Variants in OTOG observed in about 807,000 individuals in gnomAD.
OTOG encodes otogelin.
In OTOG, 296 loss-of-function variants were observed where a neutral mutation model predicts 313.8. The observed-to-expected ratio is 0.94, with a 90% CI of 0.86 to 1.04. OTOG has a LOEUF of 1.04. Ranked by LOEUF, OTOG falls within the 50% of genes least tolerant of loss-of-function variation. The pLI is 0.00. For synonymous variants in OTOG, 1,533 were observed against 1,554.9 expected (o/e 0.99, Z 0.33); for missense variants, 3,948 against 3,840.1 (o/e 1.03, Z -0.74).
chr11:17,604,075 A>T (rs944582222), intron 32 of OTOG, among the ~76,000 whole-genome samples: 1 of 152,128 alleles, frequency 6.6e-6, no homozygotes, highest in Non-Finnish European at 1.5e-5. Flanking sequence ...AGATTAAGTG[A>T]TTTACCCAAG....
In OTOG at chr11:17,569,169, C is replaced by G. The variant is rs1176349136; in HGVS notation, c.1658C>G (p.Ala553Gly). ...CTATCTCTCCAGAACCAAGATGGAG[C>G]CTGTGTCCAGTCAGTGTCAGTGATT... ...NAPCGLNQDGACVQSVSVILH... is the reference protein window; with the variant it reads ...NAPCGLNQDGGCVQSVSVILH... Residue 553 changes from alanine to glycine, a missense_variant, in exon 16 of 56, where the codon GCC (alanine) becomes GGC (glycine). By Grantham distance (60) the Ala-to-Gly change is moderately conservative (BLOSUM62 0). Coordinates refer to ENST00000399397, the MANE Select transcript of OTOG (RefSeq NM_001292063.2). 7 of 1,550,530 alleles carry G rather than the reference C, an allele frequency of 4.5e-6. No homozygotes were observed. The highest frequency in any genetic ancestry group is 2.4e-5 in the East Asian group (1 of 40,934).
Position 17,639,404 on chromosome 11 carries a change from G to A in OTOG, c.7895-19G>A. The A allele has an allele frequency of 6.4e-7, 1 of 1,550,628 alleles. No homozygotes were observed. Among genetic ancestry groups the A allele is most frequent in the Non-Finnish European group, 8.7e-7 (1 of 1,146,964 alleles). On this transcript the variant is annotated intron_variant, in intron 48 of 55. Transcript: ENST00000399397. ...GGACATCCCTGATGAAGTGGGGCCTGGCCCCTTGTGTTTTTCAGAATGTGA... is the reference window on the plus strand; with the variant it reads ...GGACATCCCTGATGAAGTGGGGCCTAGCCCCTTGTGTTTTTCAGAATGTGA...
At chr11:17,613,533 C>T in intron 38 of OTOG, 79 bp from the exon 39 acceptor site, 1 of 1,214,918 alleles carries the variant, frequency 8.2e-7, no homozygotes, top group Non-Finnish European at 1.2e-6. Context: ...AGACTGTACT[C>T]ACATTTGCTG....
chr11:17,567,291 T>G (rs1852309999), intron 15 of OTOG, among the ~76,000 whole-genome samples: 1 of 152,234 alleles, frequency 6.6e-6, no homozygotes, highest in Admixed American at 6.5e-5. Flanking sequence ...TCAGGGATTT[T>G]CTGTACTCCT....
chr11:17,586,625 G>C, intron 24 of OTOG, 44 bp downstream of exon 24: 1 of 1,091,472 alleles, frequency 9.2e-7, no homozygotes, highest in Non-Finnish European at 1.2e-6. Flanking sequence ...TGCTGGGAGG[G>C]GGCATGGATA....
At chr11:17,588,525 G>A (rs1484875560) in intron 24 of OTOG, among the ~76,000 whole-genome samples, 1 of 152,148 alleles carries the variant, frequency 6.6e-6, no homozygotes, top group East Asian at 1.9e-4. Flanking sequence ...GTGAATGACA[G>A]GATGGATACA....
chr11:17,549,978 C>G (rs537503876), intron 3 of OTOG, among the ~76,000 whole-genome samples: 8 of 152,152 alleles, frequency 5.3e-5, no homozygotes, highest in African/African-American at 1.9e-4. Context: ...AATGCTGTCC[C>G]GCTTCTACAG....
Position 17,645,941 on chromosome 11 carries a change from C to A in OTOG, c.8739C>A (p.Ser2913=). The A allele has an allele frequency of 6.5e-7, 1 of 1,549,176 alleles. No homozygotes were observed. The highest frequency in any genetic ancestry group is 8.7e-7 in the Non-Finnish European group (1 of 1,146,994). The change falls in exon 56 of 56, where the codon TCC becomes TCA. Residue 2913 remains serine (S), a synonymous_variant. Coordinates refer to ENST00000399397, the MANE Select transcript of OTOG (RefSeq NM_001292063.2). ...CCACCGACTGTGCCTGCCAGTGGTC[C>A]TGAGGCCTGGGGGCCCGGGCTAGCT... ...QEPTDCACQW[S]
chr11:17,551,758 C>T (rs915263743), intron 3 of OTOG, among the ~76,000 whole-genome samples: 19 of 152,100 alleles, frequency 1.2e-4, no homozygotes, highest in Admixed American at 1.1e-3. Context: ...CATGGTCTGC[C>T]GCAGAGATGC....
Position 17,557,112 on chromosome 11 carries a change from C to T in OTOG, c.660-6C>T. The T allele has an allele frequency of 1.3e-6, 2 of 1,549,084 alleles. No homozygotes were observed. Among genetic ancestry groups the T allele is most frequent in the South Asian group, 2.4e-5 (2 of 84,034 alleles). On this transcript the variant is annotated splice_polypyrimidine_tract_variant and splice_region_variant and intron_variant, in intron 7 of 55. Coordinates refer to ENST00000399397, the MANE Select transcript of OTOG (RefSeq NM_001292063.2). ...ATACCCTGAAGCTCTGGGATGTGCCCTGCAGGGTCCAACTGCCACATGTCA... is the reference window on the plus strand; with the variant it reads ...ATACCCTGAAGCTCTGGGATGTGCCTTGCAGGGTCCAACTGCCACATGTCA...
chr11:17,584,806 A>G (rs1226029282), intron 23 of OTOG, among the ~76,000 whole-genome samples: 1 of 152,248 alleles, frequency 6.6e-6, no homozygotes, highest in Non-Finnish European at 1.5e-5. Flanking sequence ...GATTATAAAC[A>G]TGAGCCACCG....
chr11:17,638,749 G>C (rs1396883664), intron 48 of OTOG, 200 bp downstream of exon 48: 7 of 1,542,884 alleles, frequency 4.5e-6, no homozygotes, highest in Non-Finnish European at 6.1e-6. Context: ...TTCTCTCTAG[G>C]ATAAAAGAAG....
intron 28 of OTOG, 23 bp from the exon 29 acceptor site, chr11:17,596,012 TCAA>T (rs1565109238): frequency 1.3e-6 from 2 of 1,505,990 alleles, no homozygotes; most frequent in Non-Finnish European, 1.8e-6. Flanking sequence ...AGTAGGGAGG[TCAA>T]CAGCCCTGCC....
chr11:17,549,553 G>T (rs139860405), intron 3 of OTOG, among the ~76,000 whole-genome samples: 111 of 152,338 alleles, frequency 7.3e-4, no homozygotes, highest in African/African-American at 2.6e-3. Context: ...GGAAATTGAG[G>T]TGGGTGGATG....
chr11:17,600,917 G>A (rs1368375562), intron 31 of OTOG, among the ~76,000 whole-genome samples: 1 of 150,788 alleles, frequency 6.6e-6, no homozygotes, highest in Non-Finnish European at 1.5e-5. Flanking sequence ...GTCCGGGCCC[G>A]CCAGGTGTTG....
intron 39 of OTOG, among the ~76,000 whole-genome samples, chr11:17,615,203 AGAT>A: frequency 6.6e-6 from 1 of 152,238 alleles, no homozygotes; most frequent in East Asian, 1.9e-4. Context: ...CACATTTTAA[AGAT>A]CATGTTGTTC....
At chr11:17,561,591 A>G in intron 14 of OTOG, 71 bp from the exon 15 acceptor site, 1 of 1,494,954 alleles carries the variant, frequency 6.7e-7, no homozygotes, top group Admixed American at 2.0e-5. Flanking sequence ...TCCTCCTCAT[A>G]CTTGGAGCTT....
chr11:17,570,459 C>T (rs1590008682), intron 17 of OTOG, 69 bp downstream of exon 17: 2 of 1,455,860 alleles, frequency 1.4e-6, no homozygotes, highest in Non-Finnish European at 1.9e-6. Context: ...TATCTAGAGG[C>T]ACTGCCTAAA....
chr11:17,595,919 A>G, intron 28 of OTOG, 119 bp from the exon 29 acceptor site: 1 of 714,168 alleles, frequency 1.4e-6, no homozygotes, highest in South Asian at 1.7e-5. Context: ...AGGAGATTTT[A>G]CAAGGACCTG....
Sources: gnomAD v4.1 joint callset for allele counts (sites outside exome capture counted in the v4.1 genomes callset) on GRCh38, gnomAD v4.1.1 for gene constraint, MANE v1.5 for transcripts, NCBI Gene and HGNC (gene_info 2026-07-23, HGNC 2026-07-21) for gene names.